Variants in RASGRP2 observed in about 807,000 individuals in gnomAD.
RASGRP2 encodes RAS guanyl releasing protein 2.
A neutral mutation model predicts 71.0 loss-of-function variants in RASGRP2; 44 were observed. The observed-to-expected ratio is 0.62, with a 90% confidence interval of 0.49 to 0.80. RASGRP2 has a LOEUF of 0.80. Among genes scored for constraint, RASGRP2 ranks in the 30% least tolerant of loss-of-function variants. RASGRP2 has a pLI of 0.00. For synonymous variants in RASGRP2, 350 were observed against 330.7 expected (o/e 1.06, Z -0.63); for missense variants, 663 against 813.4 (o/e 0.82, Z 2.25).
Position 64,737,024 on chromosome 11 carries a change from C to T in RASGRP2, c.824G>A (p.Gly275Asp), listed in dbSNP as rs756519568. ...TGTCGCCGTCACTAGTTCCGTGAGA[C>T]CCTCCCAGAGCTGGGGACAAAGGAC... ...VSPETIKLWE[G>D]LTELVTATGN... Residue 275 changes from glycine (G) to aspartate (D), a missense_variant, in exon 9 of 17, where the codon GGT (glycine) becomes GAT (aspartate). Coordinates refer to ENST00000394432, the MANE Select transcript of RASGRP2 (RefSeq NM_001098671.2). 3.1e-6 allele frequency: 5 copies of T among 1,613,804 alleles called. No homozygotes were observed. The highest frequency in any genetic ancestry group is 4.2e-6 in the Non-Finnish European group (5 of 1,180,026).
chr11:64,737,678 CAAA>C (rs59836204), intron 8 of RASGRP2, among the ~76,000 whole-genome samples: 140 of 91,152 alleles, frequency 1.5e-3, no homozygotes, highest in Middle Eastern at 5.7e-3. Context: ...GACTCCATCT[CAAA>C]AAAAAAAAAA....
At chr11:64,741,649 GGGAGGGGTT>G in intron 3 of RASGRP2, 148 bp from the exon 4 acceptor site, 1 of 783,122 alleles carries the variant, frequency 1.3e-6, no homozygotes, top group South Asian at 1.5e-5. Context: ...CTTGAGCTCT[GGGAGGGGTT>G]GGAGGTGGGG....
rs116383575 is a variant in RASGRP2, at chr11:64,737,181, C to G, written c.814-147G>C. On this transcript the variant is annotated intron_variant, in intron 8 of 16. Coordinates refer to ENST00000394432, the MANE Select transcript of RASGRP2 (RefSeq NM_001098671.2). ...CTTACTGTCCCCCACGACTGGCTCT[C>G]TCAGCCCCTGGGGATTGAATTCATT... The G allele has an allele frequency of 3.4e-3, 3,188 of 931,468 alleles. 68 individuals carry two copies. The African/African-American group carries it at 0.045, about 13-fold the overall frequency. 57.7% of individuals were successfully genotyped at this position (931,468 alleles called of 1,614,324 possible). A position where few individuals can be genotyped will look rare whatever the true frequency, so the allele number is the denominator to read the frequency against.
Position 64,735,038 on chromosome 11 carries a change from C to T in RASGRP2, c.1412+74G>A. 3 of 1,188,992 alleles carry T rather than the reference C, an allele frequency of 2.5e-6. No homozygotes were observed. Among genetic ancestry groups the T allele is most frequent in the South Asian group, 2.4e-5 (2 of 82,320 alleles). 73.7% of individuals were successfully genotyped at this position (1,188,992 alleles called of 1,614,324 possible). On this transcript the variant is annotated intron_variant, in intron 12 of 16. Coordinates refer to ENST00000394432, the MANE Select transcript of RASGRP2 (RefSeq NM_001098671.2). This position sits in a 1 kb window ranked among gnomAD's most constrained non-coding sequence, Gnocchi z 4.2. ...TCTGGCTCAGTGACCTCATCTTGCA[C>T]ACAAGAAACTGAAGCCCAGGCAGAA... is the stretch of plus-strand genomic sequence containing the variant.
Position 64,729,803 on chromosome 11 carries a change from A to T in RASGRP2, c.1555-5T>A. The T allele has an allele frequency of 6.2e-7, 1 of 1,614,070 alleles. No individual in the cohort carries two copies. Among genetic ancestry groups the T allele is most frequent in the Non-Finnish European group, 8.5e-7 (1 of 1,179,962 alleles). On this transcript the variant is annotated splice_region_variant and splice_polypyrimidine_tract_variant and intron_variant, in intron 13 of 16. Transcript: ENST00000394432. ...CTGCTTGTAGATGCCCAGGATCTGC[A>T]ATAGAGGAGGGGCCGTGGTGGGAGG...
Position 64,737,138 on chromosome 11 carries a change from G to A in RASGRP2, c.814-104C>T, listed in dbSNP as rs936575376. ...GGAGGAGTCAGGGTCAGGGACAGGT[G>A]AAAGAGTAAAAACCTCCCTTACTGT... On this transcript the variant is annotated intron_variant, in intron 8 of 16. Transcript: ENST00000394432. 3 of 1,440,122 alleles carry A rather than the reference G, an allele frequency of 2.1e-6. No homozygotes were observed. In the African/African-American group the frequency reaches 4.2e-5, roughly 20 times the overall value. The allele number at this position is 1,440,122 out of a possible 1,614,324, so 89.2% of individuals were successfully genotyped here.
chr11:64,728,431 A>ATT (rs1017234792), intron 15 of RASGRP2, among the ~76,000 whole-genome samples: 1 of 144,010 alleles, frequency 6.9e-6, no homozygotes, highest in Non-Finnish European at 1.5e-5. Flanking sequence ...TTTATTTTTT[A>ATT]TTTTTTTTTT....
rs1464602326 is a variant in RASGRP2 at position 64,736,834 on chromosome 11, A to G, written c.1014T>C (p.Phe338=). The change falls in exon 9 of 17, where the codon TTT becomes TTC. Residue 338 remains phenylalanine, a synonymous_variant. Coordinates refer to ENST00000394432, the MANE Select transcript of RASGRP2 (RefSeq NM_001098671.2). ...CCATGGCCAGCTCCTCCAGGATGCT[A>G]AAGAGCTGCTTCATCTTGGCCCCGT... ...RLNGAKMKQL[F]SILEELAMVT... 5 of 1,612,928 alleles carry G rather than the reference A, an allele frequency of 3.1e-6. No individual in the cohort carries two copies. The African/African-American group carries it at 5.3e-5, about 17-fold the overall frequency.
At position 64,742,415 on chromosome 11, in the gene RASGRP2, CT is replaced by C; in HGVS notation, c.74-304del. 1 of 568,252 alleles carries C rather than the reference CT, an allele frequency of 1.8e-6. No individual in the cohort carries two copies. Among genetic ancestry groups the C allele is most frequent in the Non-Finnish European group, 3.2e-6 (1 of 316,436 alleles). The allele number at this position is 568,252 out of a possible 1,614,324, so 35.2% of individuals were successfully genotyped here. On this transcript the variant is annotated intron_variant, in intron 2 of 16. Transcript: ENST00000394432. This position sits in a 1 kb window ranked among gnomAD's most constrained non-coding sequence, Gnocchi z 4.7. ...GGGTCAAGAATCCAGAGGTCATTTC[CT>C]GAGCGCTTGGGGGGAAGGGGCACCC...
chr11:64,729,900 G>C (rs1447371108), intron 13 of RASGRP2, 102 bp from the exon 14 acceptor site: 1 of 1,572,530 alleles, frequency 6.4e-7, no homozygotes, highest in South Asian at 1.1e-5. Context: ...CCCGCCTCAG[G>C]GCCCCGGGCA....
chr11:64,741,276 C>A (rs1051586978), intron 4 of RASGRP2, among the ~76,000 whole-genome samples, 163 bp downstream of exon 4: 2 of 152,216 alleles, frequency 1.3e-5, no homozygotes, highest in African/African-American at 4.8e-5. Context: ...AAATTAAGGC[C>A]CAGACCCAGG....
intron 12 of RASGRP2, among the ~76,000 whole-genome samples, chr11:64,734,718 A>G (rs1175374515): frequency 6.6e-6 from 1 of 152,214 alleles, no homozygotes; most frequent in Non-Finnish European, 1.5e-5. Flanking sequence ...TTGTCAGCAT[A>G]TGAACTGTTG....
At chr11:64,728,491 G>C (rs558375185) in intron 15 of RASGRP2, among the ~76,000 whole-genome samples, 1 of 151,246 alleles carries the variant, frequency 6.6e-6, no homozygotes, top group African/African-American at 2.4e-5. Context: ...GCAGTGGCGC[G>C]ATCTCGGCTC....
intron 12 of RASGRP2, among the ~76,000 whole-genome samples, chr11:64,730,712 G>A (rs573440102): frequency 6.6e-6 from 1 of 152,316 alleles, no homozygotes; most frequent in East Asian, 1.9e-4. Context: ...TACATTTTAG[G>A]GAAAGAATGA....
At chr11:64,727,658 G>A (rs558567414) in intron 15 of RASGRP2, among the ~76,000 whole-genome samples, 10 of 152,034 alleles carry the variant, frequency 6.6e-5, no homozygotes, top group South Asian at 2.1e-4. Flanking sequence ...GATTACAGGC[G>A]CCTGCCACCA....
rs1592379377 is a variant in RASGRP2 at position 64,739,562 on chromosome 11, G to A, written c.696+74C>T. The A allele has an allele frequency of 6.2e-7, 1 of 1,611,016 alleles. No homozygotes were observed. The highest frequency in any genetic ancestry group is 8.5e-7 in the Non-Finnish European group (1 of 1,177,314). On this transcript the variant is annotated intron_variant, in intron 7 of 16. Transcript: ENST00000394432. The surrounding 1 kb of genome is among the most constrained non-coding windows in gnomAD (Gnocchi z 4.2). ...AGCTTATCTAGAGAGAAGGCAGTGGGTTAGGGGAAGGGAAGGGTTGGCCTG... is the reference window on the plus strand; with the variant it reads ...AGCTTATCTAGAGAGAAGGCAGTGGATTAGGGGAAGGGAAGGGTTGGCCTG...
In RASGRP2 at chr11:64,736,969, C is replaced by T; in HGVS notation, c.879G>A (p.Leu293=). 1 of 1,613,868 alleles carries T rather than the reference C, an allele frequency of 6.2e-7. No individual in the cohort carries two copies. The highest frequency in any genetic ancestry group is 8.5e-7 in the Non-Finnish European group (1 of 1,180,028). ...TGNYGNYRRR[L]AACVGFRFPI... ...GGAAGCGGAAGCCCACACAGGCTGC[C>T]AGCCGACGCCGGTAGTTGCCATAGT... The change falls in exon 9 of 17, where the codon CTG becomes CTA. Residue 293 remains leucine (L), a synonymous_variant. Transcript: ENST00000394432.
chr11:64,742,536 C>G lies in RASGRP2; in HGVS notation c.73+258G>C. On this transcript the variant is annotated intron_variant, in intron 2 of 16. Coordinates refer to ENST00000394432, the MANE Select transcript of RASGRP2 (RefSeq NM_001098671.2). The surrounding 1 kb of genome is among the most constrained non-coding windows in gnomAD (Gnocchi z 4.7). ...ATTCCCCGGGAGACAGATAATGCCC[C>G]TCAAGTGTCAGAGTCCGGGACCCGG... The G allele has an allele frequency of 1.7e-6, 1 of 595,910 alleles. No individual in the cohort carries two copies. The highest frequency in any genetic ancestry group is 2.0e-5 in the South Asian group (1 of 50,658). 36.9% of individuals were successfully genotyped at this position (595,910 alleles called of 1,614,324 possible).
intron 8 of RASGRP2, among the ~76,000 whole-genome samples, chr11:64,738,687 C>T (rs1432586979): frequency 6.6e-6 from 1 of 152,054 alleles, no homozygotes; most frequent in Non-Finnish European, 1.5e-5. Flanking sequence ...GATCTGCCCA[C>T]CTCAGCCTCC....
Sources: gnomAD v4.1 joint callset for allele counts (sites outside exome capture counted in the v4.1 genomes callset) on GRCh38, gnomAD v4.1.1 for gene constraint, Gnocchi (gnomAD v3.1) non-coding constraint, MANE v1.5 for transcripts, NCBI Gene and HGNC (gene_info 2026-07-23, HGNC 2026-07-21) for gene names.